ZFX: variants seen among roughly 807,000 people sequenced by gnomAD.
ZFX encodes the protein zinc finger X-chromosomal protein.
For synonymous variants in ZFX, 196 were observed against 226.8 expected, an observed-to-expected ratio of 0.86 and a Z score of 1.22; for missense variants, 362 against 628.3, an observed-to-expected ratio of 0.58 and a Z score of 4.53.
chrX:24,152,308 G>T (rs530524926), intron 2 of ZFX, among the ~76,000 whole-genome samples: 1 of 109,631 alleles, frequency 9.1e-6, no homozygotes, highest in Admixed American at 9.8e-5. Flanking sequence ...GTTAATTTTT[G>T]TATTTTTAGT....
chrX:24,166,744 A>G (rs1386000390), intron 3 of ZFX, among the ~76,000 whole-genome samples: 1 of 112,120 alleles, frequency 8.9e-6, no homozygotes, highest in Non-Finnish European at 1.9e-5. Flanking sequence ...TCTTCCTTCT[A>G]AAATCACATA....
intron 5 of ZFX, among the ~76,000 whole-genome samples, chrX:24,195,635 G>A (rs935578798): frequency 8.9e-6 from 1 of 111,745 alleles, no homozygotes; most frequent in Non-Finnish European, 1.9e-5. Flanking sequence ...GATTATAGGC[G>A]TGAGCCACCA....
At chrX:24,197,844 G>T (rs1215121432) in intron 5 of ZFX, among the ~76,000 whole-genome samples, 1 of 111,957 alleles carries the variant, frequency 8.9e-6, no homozygotes, top group Non-Finnish European at 1.9e-5. Flanking sequence ...TAAGAGTTTT[G>T]TACTCAGCCA....
chrX:24,166,735 C>T lies in ZFX; in HGVS notation c.-28-5980C>T, dbSNP rs552281320. ...TAGAGAACACACACACTTATTTTTT[C>T]TTCCTTCTAAAATCACATAAAGAAT... On this transcript the variant is annotated intron_variant, in intron 3 of 9. Transcript: ENST00000304543. 6.3e-5 allele frequency among the ~76,000 whole-genome samples: 7 copies of T among 111,753 alleles called. No homozygotes were observed. The South Asian group carries it at 2.6e-3, about 41-fold the overall frequency.
intron 8 of ZFX, 42 bp downstream of exon 8, chrX:24,208,412 T>C: frequency 2.5e-6 from 3 of 1,191,126 alleles, no homozygotes; most frequent in Non-Finnish European, 3.4e-6. Flanking sequence ...AAGTTGGTTC[T>C]TAAACATGAA....
rs1027294632 is a variant in ZFX at position 24,215,174 on chromosome X, T to C, written c.*3798T>C. 1.8e-5 allele frequency: 2 copies of C among 112,083 alleles called. No individual in the cohort carries two copies. The highest frequency in any genetic ancestry group is 9.5e-5 in the Admixed American group (1 of 10,523). The allele number at this position is 112,083 out of a possible 1,213,427, so 9.2% of individuals were successfully genotyped here. On this transcript the variant is annotated 3_prime_UTR_variant, in exon 10 of 10. Coordinates refer to ENST00000304543, the MANE Select transcript of ZFX (RefSeq NM_003410.4). ...CATACATAGCATGCTGAAAAACTTT[T>C]GTAATGGAACACCCAACAAATGACA...
intron 3 of ZFX, among the ~76,000 whole-genome samples, chrX:24,165,309 C>T (rs921666885): frequency 9.0e-6 from 1 of 111,698 alleles, no homozygotes; most frequent in Non-Finnish European, 1.9e-5. Flanking sequence ...GTAGTAGAGA[C>T]AGGGTTTCAC....
At chrX:24,166,831 A>G (rs1039831644) in intron 3 of ZFX, among the ~76,000 whole-genome samples, 1 of 112,045 alleles carries the variant, frequency 8.9e-6, no homozygotes, top group Non-Finnish European at 1.9e-5. Context: ...TTTTGGTTGA[A>G]TAAAGCAATT....
chrX:24,150,373 C>A, intron 1 of ZFX: 1 of 113,366 alleles, frequency 8.8e-6, no homozygotes, highest in South Asian at 3.0e-4. Context: ...GCCCCGGAGG[C>A]CCGGCGCGGC....
intron 3 of ZFX, among the ~76,000 whole-genome samples, chrX:24,168,914 C>T (rs1215914870): frequency 1.8e-5 from 2 of 110,403 alleles, no homozygotes; most frequent in Non-Finnish European, 3.8e-5. Flanking sequence ...ACTTATTTGT[C>T]TTTAGGTTCA....
chrX:24,184,041 G>T (rs746013236), intron 5 of ZFX, among the ~76,000 whole-genome samples: 1 of 111,903 alleles, frequency 8.9e-6, no homozygotes, highest in African/African-American at 3.2e-5. Flanking sequence ...GATTACAGGC[G>T]TGAGCCACCA....
Position 24,207,279 on chromosome X carries a change from TATTTA to T in ZFX, c.647-45_647-41del, listed in dbSNP as rs773403443. ...TTTTTTTTTGCGAATAGTAACATTT[TATTTA>T]AATATCTGTTACTATTTGTGATTTA... On this transcript the variant is annotated intron_variant, in intron 5 of 9. Transcript: ENST00000304543. The T allele has an allele frequency of 2.6e-6, 3 of 1,136,557 alleles. No homozygotes were observed. In the African/African-American group the frequency reaches 5.5e-5, roughly 21 times the overall value. The allele number at this position is 1,136,557 out of a possible 1,213,427, so 93.7% of individuals were successfully genotyped here.
chrX:24,178,061 A>G (rs780666595), intron 4 of ZFX, among the ~76,000 whole-genome samples: 1 of 106,787 alleles, frequency 9.4e-6, no homozygotes, highest in East Asian at 3.0e-4. Context: ...CCTCCCGAGT[A>G]GCTGGGACTA....
chrX:24,199,542 C>T (rs938920961), intron 5 of ZFX, among the ~76,000 whole-genome samples: 12 of 110,963 alleles, frequency 1.1e-4, no homozygotes, highest in East Asian at 2.8e-4. Flanking sequence ...AGGTGTGCAC[C>T]GCTGCACCCA....
intron 5 of ZFX, among the ~76,000 whole-genome samples, chrX:24,206,974 C>G (rs889142892): frequency 2.4e-4 from 27 of 110,882 alleles, no homozygotes; most frequent in African/African-American, 8.9e-4. Flanking sequence ...GTGGCTCACA[C>G]CTGTAACCCA....
intron 3 of ZFX, among the ~76,000 whole-genome samples, chrX:24,155,349 A>T (rs1328382613): frequency 9.0e-6 from 1 of 111,535 alleles, no homozygotes; most frequent in Non-Finnish European, 1.9e-5. Flanking sequence ...AGTGCAAAGG[A>T]GTCCTGAGAC....
chrX:24,185,224 C>A (rs1316758739), intron 5 of ZFX, among the ~76,000 whole-genome samples: 8 of 111,174 alleles, frequency 7.2e-5, no homozygotes, highest in Non-Finnish European at 1.3e-4. Context: ...CTTCAGCCTC[C>A]CCAATTTCTT....
chrX:24,197,919 G>A (rs969157082), intron 5 of ZFX, among the ~76,000 whole-genome samples: 9 of 111,884 alleles, frequency 8.0e-5, no homozygotes, highest in African/African-American at 2.9e-4. Flanking sequence ...AGGGACTGTA[G>A]TACCCATTGG....
chrX:24,214,914 C>T lies in ZFX; in HGVS notation c.*3538C>T, dbSNP rs934322466. ...GCCCAGTTTAGAGGACTAGTAGATGCTAACATACTAGGGAATGGTCATTGC... is the reference window on the plus strand; with the variant it reads ...GCCCAGTTTAGAGGACTAGTAGATGTTAACATACTAGGGAATGGTCATTGC... On this transcript the variant is annotated 3_prime_UTR_variant, in exon 10 of 10. Coordinates refer to ENST00000304543, the MANE Select transcript of ZFX (RefSeq NM_003410.4). 2 of 111,506 alleles carry T rather than the reference C, an allele frequency of 1.8e-5. No individual in the cohort carries two copies. Among genetic ancestry groups the T allele is most frequent in the Admixed American group, 9.6e-5 (1 of 10,437 alleles). The allele number at this position is 111,506 out of a possible 1,213,427, so 9.2% of individuals were successfully genotyped here. A position where few individuals can be genotyped will look rare whatever the true frequency, so the allele number is the denominator to read the frequency against.
Sources: gnomAD v4.1 joint callset for allele counts (sites outside exome capture counted in the v4.1 genomes callset) on GRCh38, gnomAD v4.1.1 for gene constraint, MANE v1.5 for transcripts, NCBI Gene and HGNC (gene_info 2026-07-23, HGNC 2026-07-21) for gene names.